The following EPHA3 variants were observed in gnomAD, a reference collection of about 807,000 sequenced individuals.
The protein encoded by EPHA3 is EPH receptor A3, also known as ephrin type-A receptor 3.
In EPHA3, 42 loss-of-function variants were observed where a neutral mutation model predicts 107.1. The ratio of observed to expected loss-of-function variants is 0.39; its 90% confidence interval spans 0.31 to 0.51. The LOEUF (loss-of-function observed/expected upper bound fraction) is 0.51, where lower values mean the gene tolerates loss of function less well. EPHA3 is among the 20% of genes least tolerant of loss of function. The pLI, the probability that EPHA3 is intolerant of heterozygous loss-of-function variation, is 0.78. For missense variants in EPHA3, 1,183 were observed against 1,211.2 expected, an observed-to-expected ratio of 0.98 and a Z score of 0.35; for synonymous variants, 461 against 424.8, an observed-to-expected ratio of 1.09 and a Z score of -1.05.
chr3:89,386,767 G>T (rs907782012), intron 5 of EPHA3, among the ~76,000 whole-genome samples: 5 of 152,316 alleles, frequency 3.3e-5, no homozygotes, highest in Middle Eastern at 3.4e-3. Context: ...TGGGAGGAGT[G>T]CTGTACCCTG....
At chr3:89,391,550 C>T (rs1213794684) in intron 5 of EPHA3, among the ~76,000 whole-genome samples, 1 of 150,800 alleles carries the variant, frequency 6.6e-6, no homozygotes, top group Admixed American at 6.6e-5. Flanking sequence ...GCCTCAGCCT[C>T]CCGAATAGCT....
chr3:89,129,420 A>G (rs778441124), intron 2 of EPHA3, among the ~76,000 whole-genome samples: 12 of 152,224 alleles, frequency 7.9e-5, no homozygotes, highest in African/African-American at 2.4e-4. Flanking sequence ...ACACTCCCCA[A>G]TAGTTCATGA....
At chr3:89,196,995 G>A (rs9867169) in intron 2 of EPHA3, among the ~76,000 whole-genome samples, 3,799 of 152,046 alleles carry the variant, frequency 0.025, 72 homozygotes, top group Middle Eastern at 0.048. Context: ...TTCTTAGACC[G>A]TCACTCCTTG....
At chr3:89,322,404 T>C (rs1014342071) in intron 3 of EPHA3, among the ~76,000 whole-genome samples, 8 of 152,056 alleles carry the variant, frequency 5.3e-5, no homozygotes, top group African/African-American at 1.9e-4. Context: ...AGTGTCAACA[T>C]GATATAAATT....
intron 7 of EPHA3, among the ~76,000 whole-genome samples, chr3:89,406,416 G>A (rs1451635468): frequency 6.6e-6 from 1 of 152,086 alleles, no homozygotes; most frequent in Non-Finnish European, 1.5e-5. Context: ...ACTTTTTTCT[G>A]TAATAGGCCA....
At chr3:89,256,837 C>T (rs923762976) in intron 3 of EPHA3, among the ~76,000 whole-genome samples, 3 of 152,146 alleles carry the variant, frequency 2.0e-5, no homozygotes, top group Non-Finnish European at 2.9e-5. Flanking sequence ...GGAAAAATCA[C>T]TTTATACCAT....
rs148912408 is a variant in EPHA3 at position 89,386,265 on chromosome 3, A to T, written c.1307-9572A>T. Among the ~76,000 whole-genome samples the T allele has an allele frequency of 9.3e-3, 1,412 of 152,306 alleles. 17 individuals carry two copies. The highest frequency in any genetic ancestry group is 0.033 in the African/African-American group (1,352 of 41,556). On this transcript the variant is annotated intron_variant, in intron 5 of 16. Transcript: ENST00000336596. ...GGAAAACATCTCCAGGGCATGTCAG[A>T]TATCTTTTTGACAGGCCAGGAGGTC...
rs183749071 is a variant in EPHA3 at position 89,154,138 on chromosome 3, T to A, written c.153+26865T>A. Among the ~76,000 whole-genome samples the A allele has an allele frequency of 2.8e-3, 429 of 152,178 alleles. 3 individuals are homozygous for A. Among genetic ancestry groups the A allele is most frequent in the South Asian group, 0.019 (91 of 4,822 alleles). On this transcript the variant is annotated intron_variant, in intron 2 of 16. Coordinates refer to ENST00000336596, the MANE Select transcript of EPHA3 (RefSeq NM_005233.6). ...AATTGCATTTACTGTTTTTATTTTC[T>A]CCATAACAATTATCATCTTCTAATA...
chr3:89,243,351 A>G (rs1704953974), intron 3 of EPHA3, among the ~76,000 whole-genome samples: 1 of 152,112 alleles, frequency 6.6e-6, no homozygotes, highest in African/African-American at 2.4e-5. Context: ...CAATGGTTGA[A>G]CTAGTTTACA....
rs776473448 is a variant in EPHA3, at chr3:89,395,889, C to A, written c.1359C>A (p.Ile453=). 6.2e-7 allele frequency: 1 copy of A among 1,614,098 alleles called. No homozygotes were observed. Among genetic ancestry groups the A allele is most frequent in the South Asian group, 1.1e-5 (1 of 91,070 alleles). The change falls in exon 6 of 17, where the codon ATC becomes ATA. Residue 453 remains isoleucine, a synonymous_variant. Coordinates refer to ENST00000336596, the MANE Select transcript of EPHA3 (RefSeq NM_005233.6). ...AAGATCGGACCTCCAGAAATAGCAT[C>A]TCTTTGTCCTGGCAAGAACCTGAAC... ...IKKDRTSRNS[I]SLSWQEPEHP... is the part of the protein sequence containing the mutation.
chr3:89,128,487 T>C (rs919812487), intron 2 of EPHA3, among the ~76,000 whole-genome samples: 1 of 152,064 alleles, frequency 6.6e-6, no homozygotes, highest in African/African-American at 2.4e-5. Flanking sequence ...GGAAAACTCA[T>C]TTGAAACTAA....
rs1704302409 is a variant in EPHA3, at chr3:89,136,017, A to T, written c.153+8744A>T. Reference sequence around the variant, plus strand: ...TATTTGGGAAGTTTGGGTTCTAAAAATCTTACCAACTGGATTTCTAGCTTT... The same window carrying T: ...TATTTGGGAAGTTTGGGTTCTAAAATTCTTACCAACTGGATTTCTAGCTTT... On this transcript the variant is annotated intron_variant, in intron 2 of 16. Coordinates refer to ENST00000336596, the MANE Select transcript of EPHA3 (RefSeq NM_005233.6). Among the ~76,000 whole-genome samples, 3 of 152,276 alleles carry T rather than the reference A, an allele frequency of 2.0e-5. No homozygotes were observed. In the South Asian group the frequency reaches 6.2e-4, roughly 32 times the overall value.
At chr3:89,289,362 G>T (rs1706160882) in intron 3 of EPHA3, among the ~76,000 whole-genome samples, 1 of 151,970 alleles carries the variant, frequency 6.6e-6, no homozygotes, top group Non-Finnish European at 1.5e-5. Context: ...TATTAAAGTT[G>T]GTACTCAACA....
At chr3:89,408,778 G>A (rs1315350857) in intron 9 of EPHA3, among the ~76,000 whole-genome samples, 1 of 151,894 alleles carries the variant, frequency 6.6e-6, no homozygotes. Flanking sequence ...CCAAACTATG[G>A]CTCAGCTTAG....
At chr3:89,347,033 G>C (rs1707677623) in intron 5 of EPHA3, among the ~76,000 whole-genome samples, 1 of 142,562 alleles carries the variant, frequency 7.0e-6, no homozygotes, top group South Asian at 2.2e-4. Flanking sequence ...TTGTAGTATA[G>C]TTTGAAGTCA....
intron 5 of EPHA3, among the ~76,000 whole-genome samples, chr3:89,376,036 G>A (rs1407540827): frequency 6.6e-6 from 1 of 151,778 alleles, no homozygotes; most frequent in African/African-American, 2.4e-5. Context: ...AAATCTTCTT[G>A]AATGAAATCA....
At chr3:89,180,034 T>C (rs1705406906) in intron 2 of EPHA3, among the ~76,000 whole-genome samples, 1 of 151,988 alleles carries the variant, frequency 6.6e-6, no homozygotes, top group African/African-American at 2.4e-5. Flanking sequence ...ATTTCTGTTA[T>C]AAAAGGTTAA....
chr3:89,264,004 C>G (rs1291930478), intron 3 of EPHA3, among the ~76,000 whole-genome samples: 1 of 152,032 alleles, frequency 6.6e-6, no homozygotes, highest in Non-Finnish European at 1.5e-5. Context: ...CTCAAAAATC[C>G]ACGTCCATCC....
intron 5 of EPHA3, among the ~76,000 whole-genome samples, chr3:89,376,342 AAT>A (rs143484593): frequency 0.017 from 2,638 of 150,978 alleles, 68 homozygotes; most frequent in African/African-American, 0.056. Context: ...TGTGTATATA[AAT>A]ATATATATAT....
Sources: allele counts gnomAD v4.1 joint callset (sites outside exome capture counted in the v4.1 genomes callset), GRCh38; gene constraint gnomAD v4.1.1; transcripts MANE v1.5; gene names NCBI Gene and HGNC (gene_info 2026-07-23, HGNC 2026-07-21).